The following TRIM59 variants were observed in gnomAD, a reference collection of about 807,000 sequenced individuals.
TRIM59 encodes the protein tripartite motif containing 59.
Under a neutral mutation model 32.2 loss-of-function variants are expected in TRIM59, and 14 were observed. The ratio of observed to expected loss-of-function variants is 0.43; its 90% CI spans 0.29 to 0.68. The LOEUF (loss-of-function observed/expected upper bound fraction) is 0.68. Among genes scored for constraint, TRIM59 ranks in the 30% least tolerant of loss-of-function variants. The pLI is 0.15. For synonymous variants in TRIM59, 163 were observed against 155.1 expected, an observed-to-expected ratio of 1.05 and a Z score of -0.38; for missense variants, 471 against 463.3, an observed-to-expected ratio of 1.02 and a Z score of -0.15.
In TRIM59 at chr3:160,436,417, G is replaced by GT. The variant is rs1007966978; in HGVS notation, c.*1554dup. ...TTGCATGGACAGTGGGCCAAAAGTCGTAACACATGCATCATAACTCCAGTC... is the reference window on the plus strand; with the variant it reads ...TTGCATGGACAGTGGGCCAAAAGTCGTTAACACATGCATCATAACTCCAGTC... On this transcript the variant is annotated 3_prime_UTR_variant, in exon 3 of 3. Coordinates refer to ENST00000309784, the MANE Select transcript of TRIM59 (RefSeq NM_173084.3). 75 of 985,760 alleles carry GT rather than the reference G, an allele frequency of 7.6e-5. No individual in the cohort carries two copies. Among genetic ancestry groups the GT allele is most frequent in the Non-Finnish European group, 8.6e-5 (71 of 829,982 alleles). 61.1% of individuals were successfully genotyped at this position (985,760 alleles called of 1,614,324 possible).
chr3:160,439,603 C>A (rs1048961901), intron 2 of TRIM59, among the ~76,000 whole-genome samples: 4 of 152,100 alleles, frequency 2.6e-5, no homozygotes, highest in Non-Finnish European at 5.9e-5. Flanking sequence ...CCATACTGTT[C>A]TTGTAGTATC....
Position 160,436,168 on chromosome 3 carries a change from TAC to T in TRIM59, c.*1802_*1803del. On this transcript the variant is annotated 3_prime_UTR_variant, in exon 3 of 3. Transcript: ENST00000309784. The stretch of plus-strand genomic sequence containing the variant: ...TGATTCTAATAATAAATTGATATAA[TAC>T]AGTCATCTTAGTGTTAAGACTTATT... 9.8e-7 allele frequency: 1 copy of T among 1,021,510 alleles called. No homozygotes were observed. Among genetic ancestry groups the T allele is most frequent in the Non-Finnish European group, 1.2e-6 (1 of 850,856 alleles). The allele number at this position is 1,021,510 out of a possible 1,614,324, so 63.3% of individuals were successfully genotyped here. A position where few individuals can be genotyped will look rare whatever the true frequency, so the allele number is the denominator to read the frequency against.
chr3:160,437,555 C>T lies in TRIM59; in HGVS notation c.*417G>A, dbSNP rs149727410. 5.4e-4 allele frequency: 530 copies of T among 986,302 alleles called. 4 individuals are homozygous for T. The African/African-American group carries it at 8.6e-3, about 16-fold the overall frequency. The allele number at this position is 986,302 out of a possible 1,614,324, so 61.1% of individuals were successfully genotyped here. ...GAAACCTTTCTATCATCCTTATTCACCCATTCAAAAGCTTCAAGCCACATC... is the reference window on the plus strand; with the variant it reads ...GAAACCTTTCTATCATCCTTATTCATCCATTCAAAAGCTTCAAGCCACATC... On this transcript the variant is annotated 3_prime_UTR_variant, in exon 3 of 3. Coordinates refer to ENST00000309784, the MANE Select transcript of TRIM59 (RefSeq NM_173084.3).
rs1477293881 is a variant in TRIM59 at position 160,435,941 on chromosome 3, T to C, written c.*2031A>G. The C allele has an allele frequency of 1.6e-6, 2 of 1,285,104 alleles. No homozygotes were observed. The highest frequency in any genetic ancestry group is 2.3e-5 in the Admixed American group (1 of 42,820). 79.6% of individuals were successfully genotyped at this position (1,285,104 alleles called of 1,614,324 possible). On this transcript the variant is annotated 3_prime_UTR_variant, in exon 3 of 3. Transcript: ENST00000309784. ...TTCACATCACAGAAATGAGATTAAG[T>C]AGTTTAACACATAATGGCTAACATT...
At chr3:160,442,172 C>A (rs1490153413) in intron 2 of TRIM59, among the ~76,000 whole-genome samples, 1 of 152,172 alleles carries the variant, frequency 6.6e-6, no homozygotes, top group Non-Finnish European at 1.5e-5. Flanking sequence ...AGTAGCAAAA[C>A]TAGTCCTAAA....
At position 160,436,970 on chromosome 3, in the gene TRIM59, T is replaced by C; in HGVS notation, c.*1002A>G. On this transcript the variant is annotated 3_prime_UTR_variant, in exon 3 of 3. Coordinates refer to ENST00000309784, the MANE Select transcript of TRIM59 (RefSeq NM_173084.3). The stretch of plus-strand genomic sequence containing the variant: ...ATGATTCTGTTCTAATAAGAATGAG[T>C]TTTTAATCCAAGAACTGATTTGACT... 3 of 984,794 alleles carry C rather than the reference T, an allele frequency of 3.0e-6. No homozygotes were observed. The South Asian group carries it at 1.4e-4, about 46-fold the overall frequency. The allele number at this position is 984,794 out of a possible 1,614,324, so 61.0% of individuals were successfully genotyped here. A position where few individuals can be genotyped will look rare whatever the true frequency, so the allele number is the denominator to read the frequency against.
Position 160,435,772 on chromosome 3 carries a change from C to T in TRIM59, c.*2200G>A. The T allele has an allele frequency of 2.3e-6, 1 of 429,208 alleles. No individual in the cohort carries two copies. Among genetic ancestry groups the T allele is most frequent in the South Asian group, 1.8e-5 (1 of 56,808 alleles). 26.6% of individuals were successfully genotyped at this position (429,208 alleles called of 1,614,324 possible). ...TTAGCATTCTTACAGATTACAAACC[C>T]TTACCAACATTAATCTTGGCCTACT... On this transcript the variant is annotated 3_prime_UTR_variant, in exon 3 of 3. Transcript: ENST00000309784.
chr3:160,448,595 G>A (rs1577021532), intron 2 of TRIM59, 131 bp downstream of exon 2: 1 of 439,710 alleles, frequency 2.3e-6, no homozygotes, highest in Non-Finnish European at 3.9e-6. Flanking sequence ...CGATAAAATG[G>A]TTGGAGTTTT....
chr3:160,436,207 A>G lies in TRIM59; in HGVS notation c.*1765T>C. ...TGTTAAGACTTATTCTCAGCAGGTA[A>G]GAGTTTTAGAACTAGTTCCCTGAAA... On this transcript the variant is annotated 3_prime_UTR_variant, in exon 3 of 3. Coordinates refer to ENST00000309784, the MANE Select transcript of TRIM59 (RefSeq NM_173084.3). 3 of 998,752 alleles carry G rather than the reference A, an allele frequency of 3.0e-6. No homozygotes were observed. Among genetic ancestry groups the G allele is most frequent in the Non-Finnish European group, 3.6e-6 (3 of 837,934 alleles). 61.9% of individuals were successfully genotyped at this position (998,752 alleles called of 1,614,324 possible).
chr3:160,438,832 C>T lies in TRIM59; in HGVS notation c.352G>A (p.Gly118Ser), dbSNP rs781369671. ...YCLLDKKLVCGHCLTIGQHHG... is the reference protein window; with the variant it reads ...YCLLDKKLVCSHCLTIGQHHG... ...TGTTGACCTATGGTAAGGCAATGAC[C>T]ACAAACTAATTTTTTATCTAATAGA... is the stretch of plus-strand genomic sequence containing the variant. The change falls in exon 3 of 3, where the codon GGT becomes AGT. Residue 118 changes from glycine (G) to serine (S), a missense_variant. Coordinates refer to ENST00000309784, the MANE Select transcript of TRIM59 (RefSeq NM_173084.3). 3 of 1,613,826 alleles carry T rather than the reference C, an allele frequency of 1.9e-6. No homozygotes were observed. The Admixed American group carries it at 5.0e-5, about 27-fold the overall frequency.
chr3:160,446,654 A>T (rs1719544788), intron 2 of TRIM59, among the ~76,000 whole-genome samples: 1 of 152,208 alleles, frequency 6.6e-6, no homozygotes, highest in South Asian at 2.1e-4. Context: ...ATGTAGAGTT[A>T]TCATTTAATG....
At chr3:160,439,966 T>C (rs1719158954) in intron 2 of TRIM59, among the ~76,000 whole-genome samples, 1 of 152,232 alleles carries the variant, frequency 6.6e-6, no homozygotes, top group Non-Finnish European at 1.5e-5. Flanking sequence ...ACTATTTCTA[T>C]TACAACAAGT....
rs551675736 is a variant in TRIM59, at chr3:160,438,593, T to C, written c.591A>G (p.Glu197=). 21 of 1,612,428 alleles carry C rather than the reference T, an allele frequency of 1.3e-5. No individual in the cohort carries two copies. The highest frequency in any genetic ancestry group is 1.6e-5 in the Non-Finnish European group (19 of 1,179,640). Residue 197 remains glutamate (E), a synonymous_variant, in exon 3 of 3, where the codon GAA becomes GAG. Coordinates refer to ENST00000309784, the MANE Select transcript of TRIM59 (RefSeq NM_173084.3). The part of the protein sequence containing the change: ...QYFKELNDTL[E]QKKKSFLTAL... ...CCGTTAGGAAACTTTTTTTTTTCTG[T>C]TCTAATGTATCATTAAGCTCCTTAA...
intron 2 of TRIM59, among the ~76,000 whole-genome samples, chr3:160,445,320 G>A (rs900301992): frequency 1.3e-5 from 2 of 152,126 alleles, no homozygotes; most frequent in Admixed American, 1.3e-4. Context: ...GGAGGCTGAG[G>A]AGGGAGGATT....
chr3:160,438,467 TGTCA>T lies in TRIM59; in HGVS notation c.713_716del (p.Leu238GlnfsTer26). On this transcript the variant is annotated frameshift_variant, in exon 3 of 3. Coordinates refer to ENST00000309784, the MANE Select transcript of TRIM59 (RefSeq NM_173084.3). LOFTEE classifies it high-confidence loss of function. ...GTGGAGACTCTTCTTGTAAAGATAT[TGTCA>T]GTGCCATTAATTCAAGCTGCTGCTC... 1 of 1,613,830 alleles carries T rather than the reference TGTCA, an allele frequency of 6.2e-7. No individual in the cohort carries two copies. The highest frequency in any genetic ancestry group is 2.2e-5 in the East Asian group (1 of 44,870).
At chr3:160,440,475 AT>A (rs1719184654) in intron 2 of TRIM59, among the ~76,000 whole-genome samples, 1 of 152,126 alleles carries the variant, frequency 6.6e-6, no homozygotes, top group South Asian at 2.1e-4. Flanking sequence ...AAGCCTGACC[AT>A]TTTGCACCCT....
chr3:160,445,763 G>A (rs1719497442), intron 2 of TRIM59, among the ~76,000 whole-genome samples: 1 of 122,004 alleles, frequency 8.2e-6, no homozygotes, highest in Non-Finnish European at 1.6e-5. Flanking sequence ...GACAGAGCAA[G>A]ACTCTGTCTC....
chr3:160,443,196 C>T (rs1261708522), intron 2 of TRIM59, among the ~76,000 whole-genome samples: 2 of 152,054 alleles, frequency 1.3e-5, no homozygotes, highest in Admixed American at 6.5e-5. Flanking sequence ...AAATTTTATG[C>T]AGCAGAAATT....
chr3:160,444,197 T>A (rs924445561), intron 2 of TRIM59, among the ~76,000 whole-genome samples: 2 of 152,124 alleles, frequency 1.3e-5, no homozygotes, highest in African/African-American at 4.8e-5. Flanking sequence ...TTTTTCCTTA[T>A]AAGAAAGTCA....
Sources: allele counts gnomAD v4.1 joint callset (sites outside exome capture counted in the v4.1 genomes callset), GRCh38; gene constraint gnomAD v4.1.1; transcripts MANE v1.5; gene names NCBI Gene and HGNC (gene_info 2026-07-23, HGNC 2026-07-21).